The following CPLANE1 variants were observed in gnomAD, a reference collection of about 807,000 sequenced individuals.
CPLANE1 encodes the protein ciliogenesis and planar polarity effector complex subunit 1, also known as ciliogenesis and planar polarity effector 1.
A neutral mutation model predicts 362.5 loss-of-function variants in CPLANE1; 263 were observed. The observed-to-expected ratio is 0.73, with a 90% CI of 0.66 to 0.80. CPLANE1 has a LOEUF of 0.80. Ranked by LOEUF, CPLANE1 falls within the 30% of genes least tolerant of loss-of-function variation. The pLI, the probability that CPLANE1 is intolerant of heterozygous loss-of-function variation, is 0.00. For missense variants in CPLANE1, 3,461 were observed against 3,793.4 expected, an observed-to-expected ratio of 0.91 and a Z score of 2.30; for synonymous variants, 1,212 against 1,302.6, an observed-to-expected ratio of 0.93 and a Z score of 1.50.
rs916130443 is a variant in CPLANE1 at position 37,201,870 on chromosome 5, G to T, written c.3290-62C>A. On this transcript the variant is annotated intron_variant, in intron 18 of 52. Transcript: ENST00000651892. ...TTGTATTAAACTTCTTATCCATTTT[G>T]TAGGAAAAAATTTCAAATCTAAAAA... is the stretch of plus-strand genomic sequence containing the variant. 6.6e-6 allele frequency: 8 copies of T among 1,203,566 alleles called. No individual in the cohort carries two copies. The African/African-American group carries it at 1.1e-4, about 16-fold the overall frequency. 74.6% of individuals were successfully genotyped at this position (1,203,566 alleles called of 1,614,324 possible). A position where few individuals can be genotyped will look rare whatever the true frequency, so the allele number is the denominator to read the frequency against.
At chr5:37,089,611 G>T in the CPLANE1 span, among the ~76,000 whole-genome samples, 1 of 152,220 alleles carries the variant, frequency 6.6e-6, no homozygotes, top group South Asian at 2.1e-4. Context: ...CATGACCTAC[G>T]TGCTATTAAT....
the CPLANE1 span, among the ~76,000 whole-genome samples, chr5:37,100,637 C>T: frequency 2.6e-5 from 4 of 152,166 alleles, no homozygotes; most frequent in South Asian, 8.3e-4. Context: ...ATAGTTTCTT[C>T]TAATTCTGTG....
At chr5:37,159,162 A>G (rs1776127183) in intron 38 of CPLANE1, among the ~76,000 whole-genome samples, 1 of 116,272 alleles carries the variant, frequency 8.6e-6, no homozygotes, top group African/African-American at 3.4e-5. Context: ...CGGACTGCGG[A>G]CTGCAGTGGC....
At chr5:37,085,429 T>G in the CPLANE1 span, 1 of 986,406 alleles carries the variant, frequency 1.0e-6, no homozygotes, top group African/African-American at 1.6e-5. Flanking sequence ...TTGGGTAAAG[T>G]GAGAAAAATC....
At chr5:37,076,853 G>C in the CPLANE1 span, among the ~76,000 whole-genome samples, 1 of 147,492 alleles carries the variant, frequency 6.8e-6, no homozygotes, top group East Asian at 2.0e-4. Flanking sequence ...GGTCTATTTA[G>C]TTTTAGGGAA....
rs535735913 is a variant in CPLANE1, at chr5:37,241,043, G to A, written c.678-1174C>T. Among the ~76,000 whole-genome samples, 4 of 152,158 alleles carry A rather than the reference G, an allele frequency of 2.6e-5. No homozygotes were observed. The South Asian group carries it at 8.3e-4, about 32-fold the overall frequency. ...GTCAGCTACTCGGGAGGCTGAGGCA[G>A]AAGAATCGCTTGAACCCAGGAGGCA... On this transcript the variant is annotated intron_variant, in intron 6 of 52. Coordinates refer to ENST00000651892, the MANE Select transcript of CPLANE1 (RefSeq NM_001384732.1).
intron 46 of CPLANE1, among the ~76,000 whole-genome samples, chr5:37,134,158 A>G (rs1480110911): frequency 1.3e-5 from 2 of 152,140 alleles, no homozygotes; most frequent in African/African-American, 4.8e-5. Context: ...CCTTCATAGA[A>G]TGATTGGGGA....
chr5:37,177,788 T>C (rs895755549), intron 29 of CPLANE1, 88 bp from the exon 30 acceptor site: 52 of 958,412 alleles, frequency 5.4e-5, no homozygotes, highest in Middle Eastern at 4.3e-4. Context: ...TATTAGCCAC[T>C]TAACCAGAGT....
intron 42 of CPLANE1, among the ~76,000 whole-genome samples, chr5:37,151,045 G>A (rs1378700071): frequency 2.0e-5 from 3 of 152,084 alleles, no homozygotes; most frequent in Admixed American, 2.0e-4. Context: ...TTCTTCAGTG[G>A]TTTCCTACTG....
downstream of CPLANE1, among the ~76,000 whole-genome samples, chr5:37,101,501 C>T (rs751808383): frequency 2.0e-5 from 3 of 152,104 alleles, no homozygotes; most frequent in Non-Finnish European, 4.4e-5. Context: ...ATTTGGTTTG[C>T]CAGTATTAAT....
At chr5:37,126,933 AAAC>A (rs1764288848) in intron 46 of CPLANE1, among the ~76,000 whole-genome samples, 1 of 152,220 alleles carries the variant, frequency 6.6e-6, no homozygotes, top group East Asian at 1.9e-4. Context: ...TCACAAATAC[AAAC>A]AATATAGTTT....
At chr5:37,076,399 C>A in the CPLANE1 span, among the ~76,000 whole-genome samples, 4 of 151,882 alleles carry the variant, frequency 2.6e-5, no homozygotes. Context: ...GCAACCTTCG[C>A]CTCCCAGATT....
At chr5:37,156,115 C>A (rs992692450) in intron 41 of CPLANE1, among the ~76,000 whole-genome samples, 2 of 152,204 alleles carry the variant, frequency 1.3e-5, no homozygotes, top group Admixed American at 1.3e-4. Flanking sequence ...TCCTGAGTGC[C>A]CACTGTCATT....
chr5:37,169,941 G>T (rs1779299102), intron 33 of CPLANE1, 100 bp downstream of exon 33: 8 of 1,146,214 alleles, frequency 7.0e-6, no homozygotes, highest in Non-Finnish European at 1.0e-5. Flanking sequence ...TGGCCAGGCT[G>T]GTCTCGAACT....
chr5:37,191,937 TAA>T (rs1785660156), intron 21 of CPLANE1, among the ~76,000 whole-genome samples: 1 of 152,200 alleles, frequency 6.6e-6, no homozygotes, highest in Non-Finnish European at 1.5e-5. Flanking sequence ...TAGTATAGCC[TAA>T]GTGTACAGTG....
Position 37,107,206 on chromosome 5 carries a change from A to G in CPLANE1, c.*396T>C, listed in dbSNP as rs115541718. 1.3e-3 allele frequency: 1,279 copies of G among 990,544 alleles called. 12 individuals carry two copies. The African/African-American group carries it at 0.02, about 16-fold the overall frequency. 61.4% of individuals were successfully genotyped at this position (990,544 alleles called of 1,614,324 possible). A position where few individuals can be genotyped will look rare whatever the true frequency, so the allele number is the denominator to read the frequency against. ...TGAGACTGATTTTCTTCTCAATGAAAAGATTTTTTTTTTTCCTATTAGATT... is the reference window on the plus strand; with the variant it reads ...TGAGACTGATTTTCTTCTCAATGAAGAGATTTTTTTTTTTCCTATTAGATT... On this transcript the variant is annotated 3_prime_UTR_variant, in exon 53 of 53. Transcript: ENST00000651892.
rs779542463 is a variant in CPLANE1, at chr5:37,187,435, T to C, written c.4059A>G (p.Gly1353=). The C allele has an allele frequency of 3.1e-6, 5 of 1,612,072 alleles. No homozygotes were observed. Among genetic ancestry groups the C allele is most frequent in the South Asian group, 1.1e-5 (1 of 90,360 alleles). ...TTACCTTTCTGATTGGTGGCAGTTCTCCAATAAGGCTCAAAATTATATCCT... is the reference window on the plus strand; with the variant it reads ...TTACCTTTCTGATTGGTGGCAGTTCCCCAATAAGGCTCAAAATTATATCCT... The part of the protein sequence containing the change: ...LIQDIILSLI[G]ELPPIRKVAE... Residue 1353 remains glycine, a synonymous_variant, in exon 23 of 53, where the codon GGA becomes GGG. Coordinates refer to ENST00000651892, the MANE Select transcript of CPLANE1 (RefSeq NM_001384732.1).
chr5:37,220,113 G>A (rs1795034610), intron 15 of CPLANE1, among the ~76,000 whole-genome samples: 2 of 152,010 alleles, frequency 1.3e-5, no homozygotes. Flanking sequence ...TTAGCTGGGT[G>A]TGGTGGCACA....
chr5:37,112,389 G>A (rs1446146714), intron 51 of CPLANE1, among the ~76,000 whole-genome samples: 1 of 152,090 alleles, frequency 6.6e-6, no homozygotes, highest in South Asian at 2.1e-4. Context: ...TCCAATTTGA[G>A]ATAAAAATAT....
Sources: gnomAD v4.1 joint callset for allele counts (sites outside exome capture counted in the v4.1 genomes callset) on GRCh38, gnomAD v4.1.1 for gene constraint, MANE v1.5 for transcripts, NCBI Gene and HGNC (gene_info 2026-07-23, HGNC 2026-07-21) for gene names.